ZNF260: variants seen among roughly 807,000 people sequenced by gnomAD.
The protein encoded by ZNF260 is zfp-260.
In ZNF260, 21 loss-of-function variants were observed where a neutral mutation model predicts 29.3. The ratio of observed to expected loss-of-function variants is 0.72; its 90% CI spans 0.51 to 1.03. ZNF260 has a LOEUF of 1.03. ZNF260 is among the 50% of genes least tolerant of loss of function. The pLI is 0.00. For missense variants in ZNF260, 465 were observed against 487.8 expected (o/e 0.95, Z 0.44); for synonymous variants, 156 against 156.8 (o/e 0.99, Z 0.04).
At chr19:36,517,965 G>C (rs1235331091) in intron 2 of ZNF260, 1 of 152,890 alleles carries the variant, frequency 6.5e-6, no homozygotes, top group Admixed American at 6.6e-5. Flanking sequence ...GAGTAGCTGG[G>C]ATTACAGGTG....
chr19:36,513,467 T>A lies in ZNF260; in HGVS notation c.*533A>T, dbSNP rs1442916023. The A allele has an allele frequency of 6.0e-6, 2 of 332,702 alleles. No individual in the cohort carries two copies. Among genetic ancestry groups the A allele is most frequent in the Non-Finnish European group, 1.1e-5 (2 of 185,876 alleles). 20.6% of individuals were successfully genotyped at this position (332,702 alleles called of 1,614,324 possible). A position where few individuals can be genotyped will look rare whatever the true frequency, so the allele number is the denominator to read the frequency against. On this transcript the variant is annotated 3_prime_UTR_variant, in exon 3 of 3. Transcript: ENST00000523638. ...TATGAAGAGTCAATTAATTTTTAAG[T>A]AATCCATGATTTCCCCACCAATCTG...
Position 36,510,777 on chromosome 19 carries a change from A to G in ZNF260, c.*3223T>C, listed in dbSNP as rs2034438622. Reference sequence around the variant, plus strand: ...TAAACGAGGGCAGCTGAATAAATTTACAGTATACAATATTAGAGAATATTA... The same window carrying G: ...TAAACGAGGGCAGCTGAATAAATTTGCAGTATACAATATTAGAGAATATTA... On this transcript the variant is annotated 3_prime_UTR_variant, in exon 3 of 3. Transcript: ENST00000523638. 1 of 152,224 alleles carries G rather than the reference A, an allele frequency of 6.6e-6. No homozygotes were observed. Among genetic ancestry groups the G allele is most frequent in the African/African-American group, 2.4e-5 (1 of 41,456 alleles). The allele number at this position is 152,224 out of a possible 1,614,324, so 9.4% of individuals were successfully genotyped here.
intron 2 of ZNF260, 122 bp from the exon 3 acceptor site, chr19:36,515,821 T>C (rs2034539657): frequency 6.6e-6 from 1 of 152,228 alleles, no homozygotes; most frequent in Non-Finnish European, 1.5e-5. Flanking sequence ...ACTAACACCT[T>C]TGAAGTTTCC....
chr19:36,516,391 T>C (rs1600209827), intron 2 of ZNF260, among the ~76,000 whole-genome samples: 1 of 151,540 alleles, frequency 6.6e-6, no homozygotes, highest in Non-Finnish European at 1.5e-5. Context: ...AGGCCAGGAG[T>C]TTGAGAGCAG....
At chr19:36,524,521 T>G (rs957862040) in intron 2 of ZNF260, among the ~76,000 whole-genome samples, 1 of 105,644 alleles carries the variant, frequency 9.5e-6, no homozygotes, top group African/African-American at 3.2e-5. Context: ...ATGCTAGTTT[T>G]TTTTTTTTTT....
At chr19:36,523,660 C>A (rs1225085628) in intron 2 of ZNF260, among the ~76,000 whole-genome samples, 2 of 150,884 alleles carry the variant, frequency 1.3e-5, no homozygotes, top group African/African-American at 2.4e-5. Context: ...TCACTGCAAC[C>A]TCCGCCTCCC....
Position 36,514,298 on chromosome 19 carries a change from G to A in ZNF260, c.941C>T (p.Ser314Phe), listed in dbSNP as rs774074050. 1.8e-5 allele frequency: 29 copies of A among 1,614,034 alleles called. No homozygotes were observed. The highest frequency in any genetic ancestry group is 2.2e-5 in the Non-Finnish European group (26 of 1,179,988). Reference protein sequence around the residue: ...YECNKCGKAFSRITSLIVHVR... With the variant: ...YECNKCGKAFFRITSLIVHVR... The stretch of plus-strand genomic sequence containing the variant: ...ATGTACAATAAGTGATGTGATTCGA[G>A]AGAAGGCTTTTCCACATTTATTACA... Residue 314 changes from serine (S) to phenylalanine (F), a missense_variant, in exon 3 of 3, where the codon TCT (serine) becomes TTT (phenylalanine). By Grantham distance (155) the Ser-to-Phe change is radical. Coordinates refer to ENST00000523638, the MANE Select transcript of ZNF260 (RefSeq NM_001166037.2).
chr19:36,514,973 C>A lies in ZNF260; in HGVS notation c.266G>T (p.Gly89Val). The change falls in exon 3 of 3, where the codon GGA (glycine) becomes GTA (valine). Residue 89 changes from glycine to valine, a missense_variant. By Grantham distance (109) the Gly-to-Val change is moderately radical. Transcript: ENST00000523638. ...GKKAYKCNKC[G>V]KAFSQKENFL... ...GTTTTCCTTCTGGCTGAAGGCTTTT[C>A]CACATTTATTACATTTATATGCCTT... 9 of 1,614,008 alleles carry A rather than the reference C, an allele frequency of 5.6e-6. No individual in the cohort carries two copies. The highest frequency in any genetic ancestry group is 5.9e-6 in the Non-Finnish European group (7 of 1,179,998).
In ZNF260 at chr19:36,513,517, A is replaced by G. The variant is rs570133290; in HGVS notation, c.*483T>C. On this transcript the variant is annotated 3_prime_UTR_variant, in exon 3 of 3. Coordinates refer to ENST00000523638, the MANE Select transcript of ZNF260 (RefSeq NM_001166037.2). ...GGGATACCGCCTCTATCAATTACCA[A>G]TTCCCCATATATTCATGCACACATT... 27 of 382,132 alleles carry G rather than the reference A, an allele frequency of 7.1e-5. No individual in the cohort carries two copies. Among genetic ancestry groups the G allele is most frequent in the African/African-American group, 5.4e-4 (26 of 48,460 alleles). 23.7% of individuals were successfully genotyped at this position (382,132 alleles called of 1,614,324 possible).
At chr19:36,527,032 C>T (rs745836843) in intron 1 of ZNF260, among the ~76,000 whole-genome samples, 2 of 152,160 alleles carry the variant, frequency 1.3e-5, no homozygotes, top group South Asian at 2.1e-4. Context: ...AGAAGGAGCC[C>T]TTTAGACATA....
At chr19:36,520,632 C>T (rs1360933504) in intron 2 of ZNF260, among the ~76,000 whole-genome samples, 1 of 152,090 alleles carries the variant, frequency 6.6e-6, no homozygotes, top group Non-Finnish European at 1.5e-5. Context: ...GCAGGCAGAT[C>T]ACAAGGTCAG....
intron 2 of ZNF260, among the ~76,000 whole-genome samples, chr19:36,521,910 T>C (rs1376808728): frequency 2.0e-5 from 3 of 150,690 alleles, no homozygotes; most frequent in Non-Finnish European, 4.4e-5. Flanking sequence ...TTAGCTATGC[T>C]TGGTGGTGGG....
At chr19:36,521,567 A>G (rs1186192233) in intron 2 of ZNF260, among the ~76,000 whole-genome samples, 3 of 152,012 alleles carry the variant, frequency 2.0e-5, no homozygotes, top group African/African-American at 7.2e-5. Context: ...AGTCTGGCCA[A>G]CATGGTGAAA....
chr19:36,526,202 G>C (rs2034730645), intron 1 of ZNF260, among the ~76,000 whole-genome samples: 1 of 152,240 alleles, frequency 6.6e-6, no homozygotes, highest in African/African-American at 2.4e-5. Context: ...TTGGTTCCAG[G>C]ATCACTGTGG....
chr19:36,522,459 AAAAT>A (rs1175860636), intron 2 of ZNF260, among the ~76,000 whole-genome samples: 1 of 152,172 alleles, frequency 6.6e-6, no homozygotes. Context: ...TCCATCTCAA[AAAAT>A]AAATAAATAA....
At position 36,523,670 on chromosome 19, in the gene ZNF260, C is replaced by T. The variant is rs537117387; in HGVS notation, c.-462+1485G>A. Among the ~76,000 whole-genome samples, 21 of 151,248 alleles carry T rather than the reference C, an allele frequency of 1.4e-4. No individual in the cohort carries two copies. The South Asian group carries it at 3.3e-3, about 24-fold the overall frequency. On this transcript the variant is annotated intron_variant, in intron 2 of 2. Transcript: ENST00000523638. ...TCGGCTCACTGCAACCTCCGCCTCC[C>T]AGGTTCAAGTGATTCTTCTGCCTCA...
intron 2 of ZNF260, among the ~76,000 whole-genome samples, chr19:36,521,837 C>T (rs968754760): frequency 6.6e-5 from 10 of 150,476 alleles, no homozygotes; most frequent in African/African-American, 4.9e-5. Context: ...ATCACAAGGT[C>T]GGGAGTTTGA....
In ZNF260 at chr19:36,513,912, AC is replaced by A; in HGVS notation, c.*87del. On this transcript the variant is annotated 3_prime_UTR_variant, in exon 3 of 3. Transcript: ENST00000523638. ...CTGAAGGACTTCCCACATTCATGTCACTTTAATGTAAAATGAATTTTCCAAT... is the reference window on the plus strand; with the variant it reads ...CTGAAGGACTTCCCACATTCATGTCATTTAATGTAAAATGAATTTTCCAAT... The A allele has an allele frequency of 7.1e-7, 1 of 1,404,594 alleles. No homozygotes were observed. The highest frequency in any genetic ancestry group is 1.4e-5 in the South Asian group (1 of 72,454). The allele number at this position is 1,404,594 out of a possible 1,614,324, so 87.0% of individuals were successfully genotyped here.
At chr19:36,515,770 C>T (rs939358780) in intron 2 of ZNF260, 71 bp from the exon 3 acceptor site, 3 of 152,324 alleles carry the variant, frequency 2.0e-5, no homozygotes, top group East Asian at 1.9e-4. Context: ...ATGTAATAAG[C>T]GTCCAATAAA....
Sources: allele counts gnomAD v4.1 joint callset (sites outside exome capture counted in the v4.1 genomes callset), GRCh38; gene constraint gnomAD v4.1.1; transcripts MANE v1.5; gene names NCBI Gene and HGNC (gene_info 2026-07-23, HGNC 2026-07-21).